RARB: variants seen among roughly 807,000 people sequenced by gnomAD.
RARB encodes HBV-activated protein.
RARB carries 17 observed loss-of-function variants against 51.9 expected under a neutral mutation model. The observed-to-expected ratio is 0.33, with a 90% CI of 0.22 to 0.49. RARB has a LOEUF of 0.49. Ranked by LOEUF, RARB falls within the 20% of genes least tolerant of loss-of-function variation. The pLI is 0.99. For synonymous variants in RARB, 215 were observed against 195.4 expected (o/e 1.10, Z -0.84); for missense variants, 369 against 550.8 (o/e 0.67, Z 3.30).
intron 2 of RARB, among the ~76,000 whole-genome samples, chr3:25,032,567 A>AACACT (rs1697898567): frequency 6.6e-6 from 1 of 152,246 alleles, no homozygotes; most frequent in African/African-American, 2.4e-5. Context: ...CACTATAAAC[A>AACACT]ACACTGATAT....
chr3:25,076,723 G>A (rs886360697), intron 3 of RARB, among the ~76,000 whole-genome samples: 2 of 152,014 alleles, frequency 1.3e-5, no homozygotes, highest in African/African-American at 2.4e-5. Flanking sequence ...AAAAAGCTTT[G>A]TATTTTTTTT....
At chr3:24,969,029 G>GC (rs781594840) in intron 2 of RARB, among the ~76,000 whole-genome samples, 1 of 151,604 alleles carries the variant, frequency 6.6e-6, no homozygotes, top group Non-Finnish European at 1.5e-5. Context: ...CAAGTTACCT[G>GC]CTAGGCACAG....
intron 3 of RARB, among the ~76,000 whole-genome samples, chr3:25,510,389 T>G (rs1697828735): frequency 6.6e-6 from 1 of 152,136 alleles, no homozygotes; most frequent in African/African-American, 2.4e-5. Flanking sequence ...TTTGGGAGGC[T>G]GAGGTGGGTA....
intron 5 of RARB, among the ~76,000 whole-genome samples, chr3:25,400,171 C>T (rs1707226478): frequency 2.0e-5 from 3 of 152,144 alleles, no homozygotes; most frequent in African/African-American, 7.2e-5. Context: ...GAGACACAGT[C>T]CCAGCCATTC....
intron 2 of RARB, among the ~76,000 whole-genome samples, chr3:24,992,207 T>C (rs1696927908): frequency 6.6e-6 from 1 of 152,224 alleles, no homozygotes; most frequent in African/African-American, 2.4e-5. Flanking sequence ...TTATAATAAG[T>C]AATCCTGCGT....
At chr3:25,441,276 G>A in intron 1 of RARB, 1 of 410,794 alleles carries the variant, frequency 2.4e-6, no homozygotes, top group Non-Finnish European at 4.7e-6. Flanking sequence ...ACCAGTAGCT[G>A]CGCTCTGGAA....
intron 2 of RARB, among the ~76,000 whole-genome samples, chr3:24,914,954 C>T (rs912185916): frequency 2.6e-5 from 4 of 152,110 alleles, no homozygotes; most frequent in Admixed American, 6.5e-5. Flanking sequence ...AATATAATAC[C>T]TTGACTTTGC....
intron 1 of RARB, among the ~76,000 whole-genome samples, chr3:24,832,147 G>A (rs946281508): frequency 1.3e-5 from 2 of 152,126 alleles, no homozygotes; most frequent in African/African-American, 2.4e-5. Context: ...GCTTTAAAAA[G>A]GCTCTAAAGT....
intron 4 of RARB, among the ~76,000 whole-genome samples, chr3:25,173,736 A>T (rs1245805037): frequency 6.6e-6 from 1 of 152,252 alleles, no homozygotes; most frequent in Non-Finnish European, 1.5e-5. Flanking sequence ...AGCTTAAAGC[A>T]TAACTGTTAA....
At chr3:25,255,371 T>C (rs1702837720) in intron 5 of RARB, among the ~76,000 whole-genome samples, 1 of 152,190 alleles carries the variant, frequency 6.6e-6, no homozygotes, top group South Asian at 2.1e-4. Context: ...ACCTTGAACA[T>C]CATTATGAAT....
intron 1 of RARB, among the ~76,000 whole-genome samples, chr3:24,848,304 G>A (rs986663003): frequency 1.3e-5 from 2 of 152,152 alleles, no homozygotes; most frequent in Non-Finnish European, 2.9e-5. Context: ...CAAGTGATCT[G>A]CATGCCTCGG....
chr3:25,033,464 A>G (rs74669657), intron 2 of RARB, among the ~76,000 whole-genome samples: 1,641 of 152,334 alleles, frequency 0.011, 36 homozygotes, highest in African/African-American at 0.037. Flanking sequence ...AAGCACCTCC[A>G]GTCCCTGAAA....
At chr3:25,363,978 T>C (rs547859160) in intron 5 of RARB, among the ~76,000 whole-genome samples, 1 of 152,304 alleles carries the variant, frequency 6.6e-6, no homozygotes, top group East Asian at 1.9e-4. Context: ...CTTCCACTCA[T>C]TGCTCAAACA....
At chr3:25,356,514 CTTTCT>C (rs1346427653) in intron 5 of RARB, among the ~76,000 whole-genome samples, 2 of 145,422 alleles carry the variant, frequency 1.4e-5, no homozygotes, top group Non-Finnish European at 3.0e-5. Context: ...TAGATTTTTT[CTTTCT>C]TTTTTTTTAT....
chr3:25,476,896 G>A (rs1014387099), intron 2 of RARB, among the ~76,000 whole-genome samples: 5 of 152,196 alleles, frequency 3.3e-5, no homozygotes, highest in African/African-American at 1.2e-4. Flanking sequence ...TAAGTGCTAT[G>A]AGAATAGGAA....
chr3:25,380,993 A>G (rs1042588660), intron 5 of RARB, among the ~76,000 whole-genome samples: 5 of 151,636 alleles, frequency 3.3e-5, no homozygotes, highest in African/African-American at 1.2e-4. Flanking sequence ...CGTTCTTCCT[A>G]TTGCTTTATT....
At chr3:25,181,973 C>G (rs1700870706) in intron 5 of RARB, among the ~76,000 whole-genome samples, 1 of 152,130 alleles carries the variant, frequency 6.6e-6, no homozygotes, top group Non-Finnish European at 1.5e-5. Context: ...TATGCCTGAG[C>G]AATTACACAT....
chr3:25,046,509 A>G (rs1393870499), intron 2 of RARB, among the ~76,000 whole-genome samples: 1 of 152,174 alleles, frequency 6.6e-6, no homozygotes, highest in East Asian at 1.9e-4. Flanking sequence ...GCTGGAGAGC[A>G]GTGGTGTGAT....
In RARB at chr3:25,171,510, AAG is replaced by A. The variant is rs1462196953; in HGVS notation, c.-279-2608_-279-2607del. On this transcript the variant is annotated intron_variant, in intron 4 of 11. Transcript: ENST00000383772. The stretch of plus-strand genomic sequence containing the variant: ...TAAAAAAAAAAAAAAAAAAAAAAAA[AAG>A]CCCAGACATGATACCAGACCTCTCA... 1.0e-3 allele frequency among the ~76,000 whole-genome samples: 141 copies of A among 140,248 alleles called. 2 individuals are homozygous for A. Among genetic ancestry groups the A allele is most frequent in the Admixed American group, 6.9e-3 (94 of 13,552 alleles). 92.0% of individuals were successfully genotyped at this position (140,248 alleles called of 152,430 possible).
Sources: allele counts gnomAD v4.1 joint callset (sites outside exome capture counted in the v4.1 genomes callset), GRCh38; gene constraint gnomAD v4.1.1; transcripts MANE v1.5; gene names NCBI Gene and HGNC (gene_info 2026-07-23, HGNC 2026-07-21).